The following SMARCAD1 variants were observed in gnomAD, a reference collection of about 807,000 sequenced individuals.
SMARCAD1 encodes SWI/SNF-related matrix-associated actin-dependent regulator of chromatin subfamily A containing DEAD/H box 1.
Under a neutral mutation model 127.1 loss-of-function variants are expected in SMARCAD1, and 25 were observed. The observed-to-expected ratio is 0.20, with a 90% CI of 0.14 to 0.27. The LOEUF is 0.27. Among genes scored for constraint, SMARCAD1 ranks in the 10% least tolerant of loss-of-function variants. The pLI, the probability that SMARCAD1 is intolerant of heterozygous loss-of-function variation, is 1.00. For missense variants in SMARCAD1, 807 were observed against 1,206.0 expected (o/e 0.67, Z 4.90); for synonymous variants, 400 against 396.9 (o/e 1.01, Z -0.09).
At chr4:94,258,351 C>G (rs1750437839) in intron 9 of SMARCAD1, among the ~76,000 whole-genome samples, 1 of 152,020 alleles carries the variant, frequency 6.6e-6, no homozygotes, top group Admixed American at 6.6e-5. Context: ...GACGGAGTTT[C>G]ATGATGTTGG....
At position 94,253,433 on chromosome 4, in the gene SMARCAD1, G is replaced by A. The variant is rs181537086; in HGVS notation, c.1281+426G>A. The A allele has an allele frequency of 5.0e-5, 60 of 1,196,196 alleles. No individual in the cohort carries two copies. In the East Asian group the frequency reaches 3.1e-3, roughly 61 times the overall value. The allele number at this position is 1,196,196 out of a possible 1,614,324, so 74.1% of individuals were successfully genotyped here. On this transcript the variant is annotated intron_variant, in intron 9 of 23. Coordinates refer to ENST00000354268, the MANE Select transcript of SMARCAD1 (RefSeq NM_020159.5). Reference sequence around the variant, plus strand: ...TGAAGAGCAATAGCAACGGCCAGGGGAGCTCCATGATTCAAAATGCCAGCC... The same window carrying A: ...TGAAGAGCAATAGCAACGGCCAGGGAAGCTCCATGATTCAAAATGCCAGCC...
intron 9 of SMARCAD1, among the ~76,000 whole-genome samples, chr4:94,257,609 G>T (rs1363940759): frequency 2.6e-5 from 4 of 151,864 alleles, no homozygotes; most frequent in African/African-American, 9.7e-5. Flanking sequence ...TTTACTTTTT[G>T]TTAATGTTTA....
At chr4:94,262,887 G>GT (rs1751207875) in intron 9 of SMARCAD1, among the ~76,000 whole-genome samples, 1 of 69,130 alleles carries the variant, frequency 1.4e-5, no homozygotes, top group African/African-American at 9.2e-5. Flanking sequence ...AGTAATTTCT[G>GT]TTAAAAAAAA....
intron 9 of SMARCAD1, chr4:94,253,329 T>G: frequency 7.5e-7 from 1 of 1,334,634 alleles, no homozygotes. Flanking sequence ...AGGAGTTGTT[T>G]GCTAGCCTGT....
chr4:94,219,414 A>G (rs1332779774), intron 2 of SMARCAD1, among the ~76,000 whole-genome samples: 4 of 152,028 alleles, frequency 2.6e-5, no homozygotes, highest in African/African-American at 9.7e-5. Context: ...TTAATCTCCT[A>G]CTAGTGATTT....
chr4:94,229,225 T>C (rs1371121963), intron 3 of SMARCAD1, among the ~76,000 whole-genome samples: 5 of 152,160 alleles, frequency 3.3e-5, no homozygotes, highest in African/African-American at 1.2e-4. Context: ...TTTCACTCAG[T>C]AGTTGTAGTA....
chr4:94,260,502 C>G (rs1161929987), intron 9 of SMARCAD1, among the ~76,000 whole-genome samples: 1 of 152,036 alleles, frequency 6.6e-6, no homozygotes, highest in African/African-American at 2.4e-5. Flanking sequence ...CACCACCACA[C>G]CCAGTTAATT....
chr4:94,287,998 A>G (rs964211648), intron 23 of SMARCAD1, among the ~76,000 whole-genome samples: 1 of 151,896 alleles, frequency 6.6e-6, no homozygotes, highest in Non-Finnish European at 1.5e-5. Context: ...TAAAATATAT[A>G]TATATTTTTT....
chr4:94,280,931 C>A, intron 20 of SMARCAD1, 151 bp downstream of exon 20: 1 of 727,594 alleles, frequency 1.4e-6, no homozygotes, highest in Non-Finnish European at 2.3e-6. Flanking sequence ...GACGTATTTT[C>A]TTGATTACCT....
intron 4 of SMARCAD1, among the ~76,000 whole-genome samples, chr4:94,235,174 A>G (rs905921229): frequency 4.8e-5 from 7 of 147,298 alleles, no homozygotes; most frequent in Non-Finnish European, 7.4e-5. Flanking sequence ...CCTTATATCC[A>G]TTAGCAGTCA....
At chr4:94,261,669 G>C (rs1333101936) in intron 9 of SMARCAD1, among the ~76,000 whole-genome samples, 1 of 152,206 alleles carries the variant, frequency 6.6e-6, no homozygotes, top group Non-Finnish European at 1.5e-5. Context: ...CTGGAATGCA[G>C]TGGCGTCTTG....
rs745463984 is a variant in SMARCAD1, at chr4:94,264,731, G to A, written c.1306G>A (p.Gly436Ser). The A allele has an allele frequency of 6.2e-7, 1 of 1,611,938 alleles. No homozygotes were observed. Among genetic ancestry groups the A allele is most frequent in the South Asian group, 1.1e-5 (1 of 90,840 alleles). The change falls in exon 10 of 24, where the codon GGC (glycine) becomes AGC (serine). Residue 436 changes from glycine to serine, a missense_variant. This residue lies in a region of SMARCAD1 where 257 missense variants were observed against 303.4 expected (regional missense o/e 0.85). Coordinates refer to ENST00000354268, the MANE Select transcript of SMARCAD1 (RefSeq NM_020159.5). ...ALFTKMSKTN[G>S]LSEDLIWHCK... ...GTTCACAAAGATGTCCAAAACTAAT[G>A]GCTTATCAGAAGATTTGATATGGCA... is the stretch of plus-strand genomic sequence containing the variant.
rs1755478671 is a variant in SMARCAD1 at position 94,289,965 on chromosome 4, A to T, written c.*431A>T. 1 of 454,096 alleles carries T rather than the reference A, an allele frequency of 2.2e-6. No homozygotes were observed. The highest frequency in any genetic ancestry group is 6.9e-5 in the East Asian group (1 of 14,394). The allele number at this position is 454,096 out of a possible 1,614,324, so 28.1% of individuals were successfully genotyped here. A position where few individuals can be genotyped will look rare whatever the true frequency, so the allele number is the denominator to read the frequency against. ...CTTATGTCTTGTTTTTGCTTGTCTC[A>T]TTTGAAGTTCTTTTTTATTATGTTA... On this transcript the variant is annotated 3_prime_UTR_variant, in exon 24 of 24. Coordinates refer to ENST00000354268, the MANE Select transcript of SMARCAD1 (RefSeq NM_020159.5).
rs2126023988 is a variant in SMARCAD1, at chr4:94,289,668, A to G, written c.*134A>G. 4.3e-6 allele frequency: 4 copies of G among 923,778 alleles called. No individual in the cohort carries two copies. The highest frequency in any genetic ancestry group is 7.1e-6 in the Non-Finnish European group (4 of 560,172). 57.2% of individuals were successfully genotyped at this position (923,778 alleles called of 1,614,324 possible). A position where few individuals can be genotyped will look rare whatever the true frequency, so the allele number is the denominator to read the frequency against. On this transcript the variant is annotated 3_prime_UTR_variant, in exon 24 of 24. Transcript: ENST00000354268. Reference sequence around the variant, plus strand: ...ATTTCCATATTACATTTCTCATAGTATGGACAACTTTTTGCCACTAACTGA... The same window carrying G: ...ATTTCCATATTACATTTCTCATAGTGTGGACAACTTTTTGCCACTAACTGA...
rs547553322 is a variant in SMARCAD1 at position 94,223,231 on chromosome 4, A to G, written c.191-2888A>G. On this transcript the variant is annotated intron_variant, in intron 2 of 23. Transcript: ENST00000354268. ...TAAAGAGGGCCGGGCGTGGTAGCTCACATCTGTAATCCCAGCACTTTGGGA... is the reference window on the plus strand; with the variant it reads ...TAAAGAGGGCCGGGCGTGGTAGCTCGCATCTGTAATCCCAGCACTTTGGGA... Among the ~76,000 whole-genome samples the G allele has an allele frequency of 8.5e-5, 13 of 152,178 alleles. No homozygotes were observed. The East Asian group carries it at 2.3e-3, about 27-fold the overall frequency.
At chr4:94,288,129 T>G (rs1755214276) in intron 23 of SMARCAD1, among the ~76,000 whole-genome samples, 1 of 152,196 alleles carries the variant, frequency 6.6e-6, no homozygotes, top group African/African-American at 2.4e-5. Flanking sequence ...ATTGTAAACA[T>G]GGCAATTTAT....
In SMARCAD1 at chr4:94,207,923, C is replaced by T. The variant is rs975137226; in HGVS notation, c.-197C>T. ...GCCTCCGCCGCTCCCCTTCTTTGGCCCCTTTGTGTCCCCGCAGTGTCGAGG... is the reference window on the plus strand; with the variant it reads ...GCCTCCGCCGCTCCCCTTCTTTGGCTCCTTTGTGTCCCCGCAGTGTCGAGG... On this transcript the variant is annotated 5_prime_UTR_variant, in exon 1 of 24. Transcript: ENST00000354268. 8.7e-6 allele frequency: 3 copies of T among 344,336 alleles called. No homozygotes were observed. The highest frequency in any genetic ancestry group is 3.9e-5 in the Admixed American group (1 of 25,422). 21.3% of individuals were successfully genotyped at this position (344,336 alleles called of 1,614,324 possible). A position where few individuals can be genotyped will look rare whatever the true frequency, so the allele number is the denominator to read the frequency against.
chr4:94,265,334 A>C lies in SMARCAD1; in HGVS notation c.1481+428A>C, dbSNP rs149211090. 7.9e-5 allele frequency among the ~76,000 whole-genome samples: 12 copies of C among 152,104 alleles called. 2 individuals are homozygous for C. In the East Asian group the frequency reaches 2.3e-3, roughly 29 times the overall value. ...TTTTAATCATAAATAAAATGAAATGATATCCCATACTGTGATGAAATGTTT... is the reference window on the plus strand; with the variant it reads ...TTTTAATCATAAATAAAATGAAATGCTATCCCATACTGTGATGAAATGTTT... On this transcript the variant is annotated intron_variant, in intron 10 of 23. Coordinates refer to ENST00000354268, the MANE Select transcript of SMARCAD1 (RefSeq NM_020159.5).
intron 10 of SMARCAD1, among the ~76,000 whole-genome samples, chr4:94,268,881 GA>G (rs1560555491): frequency 6.6e-6 from 1 of 152,118 alleles, no homozygotes; most frequent in African/African-American, 2.4e-5. Flanking sequence ...CGTTATAGTA[GA>G]AATAATTGTT....
Sources: allele counts gnomAD v4.1 joint callset (sites outside exome capture counted in the v4.1 genomes callset), GRCh38; gene constraint gnomAD v4.1.1; regional missense constraint gnomAD v4.1.1; transcripts MANE v1.5; gene names NCBI Gene and HGNC (gene_info 2026-07-23, HGNC 2026-07-21).